The following CDH13 variants were observed in gnomAD, a reference collection of about 807,000 sequenced individuals.
CDH13 encodes cadherin 13.
In CDH13, 24 loss-of-function variants were observed where a neutral mutation model predicts 63.8. The observed-to-expected ratio is 0.38, with a 90% CI of 0.27 to 0.53. CDH13 has a LOEUF of 0.53. Among genes scored for constraint, CDH13 ranks in the 20% least tolerant of loss-of-function variants. The pLI, the probability that CDH13 is intolerant of heterozygous loss-of-function variation, is 0.85. For synonymous variants in CDH13, 503 were observed against 355.3 expected (o/e 1.42, Z -4.67); for missense variants, 1,049 against 903.1 (o/e 1.16, Z -2.07).
intron 6 of CDH13, among the ~76,000 whole-genome samples, chr16:83,400,730 A>T (rs2091955643): frequency 6.6e-6 from 1 of 152,170 alleles, no homozygotes; most frequent in African/African-American, 2.4e-5. Context: ...TGGTACATAG[A>T]ATCAAGTGTG....
intron 5 of CDH13, among the ~76,000 whole-genome samples, chr16:83,270,951 CCTCCTTTCTTCCTCCCTCT>C (rs1264001624): frequency 2.0e-5 from 3 of 149,542 alleles, no homozygotes; most frequent in Non-Finnish European, 4.5e-5. Context: ...TTCCTCCCTC[CCTCCTTTCTTCCTCCCTCT>C]CTCCTTCCCT....
chr16:82,834,519 T>C (rs1314087602), intron 1 of CDH13, among the ~76,000 whole-genome samples: 2 of 152,124 alleles, frequency 1.3e-5, no homozygotes, highest in Non-Finnish European at 2.9e-5. Flanking sequence ...TGGTGAAGCG[T>C]AGTCATTCAG....
At chr16:82,808,349 G>A (rs1037107129) in intron 1 of CDH13, among the ~76,000 whole-genome samples, 28 of 152,228 alleles carry the variant, frequency 1.8e-4, no homozygotes, top group African/African-American at 6.3e-4. Flanking sequence ...ATACCTCTCT[G>A]TCTACTTTCT....
chr16:82,736,578 C>T (rs1052267320), intron 1 of CDH13, among the ~76,000 whole-genome samples: 1 of 152,220 alleles, frequency 6.6e-6, no homozygotes, highest in African/African-American at 2.4e-5. Flanking sequence ...TAGGAACCCA[C>T]TAAATACTTG....
At chr16:83,371,342 A>T (rs570246131) in intron 6 of CDH13, among the ~76,000 whole-genome samples, 1 of 152,246 alleles carries the variant, frequency 6.6e-6, no homozygotes, top group South Asian at 2.1e-4. Context: ...TAGTGGAGAA[A>T]CATATCCAGG....
intron 1 of CDH13, among the ~76,000 whole-genome samples, chr16:82,639,953 C>G (rs902973060): frequency 8.5e-5 from 13 of 152,162 alleles, no homozygotes; most frequent in Admixed American, 4.6e-4. Context: ...TTAACTCATT[C>G]ACTTAACAAA....
chr16:82,703,883 C>A (rs1426503998), intron 1 of CDH13, among the ~76,000 whole-genome samples: 1 of 152,178 alleles, frequency 6.6e-6, no homozygotes, highest in African/African-American at 2.4e-5. Flanking sequence ...AGAATGTAAT[C>A]CTACCCAGCT....
chr16:83,466,858 C>T (rs551816766), intron 6 of CDH13, among the ~76,000 whole-genome samples: 1 of 152,202 alleles, frequency 6.6e-6, no homozygotes, highest in African/African-American at 2.4e-5. Flanking sequence ...CATTGCTTCC[C>T]TTTAAATCTA....
At chr16:83,499,509 A>G (rs1383158784) in intron 7 of CDH13, among the ~76,000 whole-genome samples, 2 of 152,220 alleles carry the variant, frequency 1.3e-5, no homozygotes, top group African/African-American at 4.8e-5. Context: ...AGTAACCATA[A>G]TTATGATTTG....
chr16:83,460,070 A>G (rs897231837), intron 6 of CDH13, among the ~76,000 whole-genome samples: 5 of 152,230 alleles, frequency 3.3e-5, no homozygotes. Flanking sequence ...AAGATAGCAA[A>G]AAAAAGTAAA....
chr16:83,377,548 C>G (rs2091481171), intron 6 of CDH13, among the ~76,000 whole-genome samples: 1 of 152,176 alleles, frequency 6.6e-6, no homozygotes, highest in Admixed American at 6.5e-5. Flanking sequence ...TTTCACTCAT[C>G]CTTTAATGTG....
intron 1 of CDH13, among the ~76,000 whole-genome samples, chr16:82,669,707 C>T (rs1913010312): frequency 6.6e-6 from 1 of 152,142 alleles, no homozygotes; most frequent in Admixed American, 6.5e-5. Flanking sequence ...ACAACTGTGC[C>T]CTCTAGAATG....
At chr16:83,651,588 C>CTTTTTTTTTTTT (rs35237670) in intron 8 of CDH13, among the ~76,000 whole-genome samples, 2 of 75,306 alleles carry the variant, frequency 2.7e-5, no homozygotes, top group African/African-American at 1.1e-4. Context: ...TTATTTTCCT[C>CTTTTTTTTTTTT]TTTTTTTTTT....
At chr16:83,487,381 C>G (rs953174565) in intron 7 of CDH13, among the ~76,000 whole-genome samples, 2 of 152,214 alleles carry the variant, frequency 1.3e-5, no homozygotes, top group Non-Finnish European at 2.9e-5. Context: ...GGTCCACTTT[C>G]CACATGTGCA....
At chr16:83,059,789 G>GTTTTTTTTTTTTT (rs1256608391) in intron 3 of CDH13, among the ~76,000 whole-genome samples, 2 of 98,752 alleles carry the variant, frequency 2.0e-5, no homozygotes, top group African/African-American at 7.5e-5. Context: ...TTTTTTTTTT[G>GTTTTTTTTTTTTT]TTTGTTTTTT....
chr16:83,542,769 T>C (rs1482391424), intron 7 of CDH13, among the ~76,000 whole-genome samples: 1 of 152,232 alleles, frequency 6.6e-6, no homozygotes, highest in East Asian at 1.9e-4. Flanking sequence ...TTCACATTGT[T>C]TTCCTTGTCT....
In CDH13 at chr16:83,748,577, C is replaced by T. The variant is rs570981347; in HGVS notation, c.1681+327C>T. On this transcript the variant is annotated intron_variant, in intron 11 of 13. Coordinates refer to ENST00000567109, the MANE Select transcript of CDH13 (RefSeq NM_001257.5). ...TGTCATGCTCTCATTTGCAAAGAGG[C>T]TCTTGGACTTAATACAAGTTGAAAG... 1.3e-4 allele frequency among the ~76,000 whole-genome samples: 20 copies of T among 152,276 alleles called. No individual in the cohort carries two copies. In the South Asian group the frequency reaches 4.1e-3, roughly 32 times the overall value.
chr16:83,463,654 T>G (rs1204500666), intron 6 of CDH13, among the ~76,000 whole-genome samples: 2 of 152,030 alleles, frequency 1.3e-5, no homozygotes, highest in African/African-American at 4.8e-5. Flanking sequence ...TTTTAAAAAT[T>G]TAACCGGGCA....
chr16:83,696,908 G>T (rs1905483224), intron 10 of CDH13, among the ~76,000 whole-genome samples: 1 of 152,100 alleles, frequency 6.6e-6, no homozygotes, highest in Admixed American at 6.5e-5. Flanking sequence ...TCACACTGAA[G>T]TAAAACCCAG....
Sources: gnomAD v4.1 joint callset for allele counts (sites outside exome capture counted in the v4.1 genomes callset) on GRCh38, gnomAD v4.1.1 for gene constraint, MANE v1.5 for transcripts, NCBI Gene and HGNC (gene_info 2026-07-23, HGNC 2026-07-21) for gene names.